The following KIF16B variants were observed in gnomAD, a reference collection of about 807,000 sequenced individuals.
KIF16B encodes the protein kinesin-like protein KIF16B.
A neutral mutation model predicts 156.3 loss-of-function variants in KIF16B; 98 were observed. That is an observed-to-expected ratio of 0.63 (90% CI 0.53 to 0.74). KIF16B has a LOEUF of 0.74. Ranked by LOEUF, KIF16B falls within the 30% of genes least tolerant of loss-of-function variation. The pLI, the probability that KIF16B is intolerant of heterozygous loss-of-function variation, is 0.00. For missense variants in KIF16B, 1,421 were observed against 1,606.5 expected, an observed-to-expected ratio of 0.88 and a Z score of 1.97; for synonymous variants, 564 against 583.7, an observed-to-expected ratio of 0.97 and a Z score of 0.49.
chr20:16,549,040 A>T (rs184453906), intron 1 of KIF16B, among the ~76,000 whole-genome samples: 5,733 of 142,436 alleles, frequency 0.04, 165 homozygotes, highest in African/African-American at 0.079. Flanking sequence ...TTTTTTCGTT[A>T]GTTTTTTTTT....
chr20:16,521,748 A>G (rs1463922156), intron 3 of KIF16B, among the ~76,000 whole-genome samples: 1 of 152,214 alleles, frequency 6.6e-6, no homozygotes, highest in Admixed American at 6.5e-5. Flanking sequence ...AATGAAGGAA[A>G]AAATGTTAAG....
intron 12 of KIF16B, among the ~76,000 whole-genome samples, chr20:16,491,280 G>A (rs1452039288): frequency 6.6e-6 from 1 of 152,152 alleles, no homozygotes; most frequent in Non-Finnish European, 1.5e-5. Flanking sequence ...AGGGGTGGTG[G>A]GCACAGAAAG....
intron 12 of KIF16B, among the ~76,000 whole-genome samples, chr20:16,475,638 C>T (rs189239479): frequency 0.012 from 1,885 of 152,210 alleles, 23 homozygotes; most frequent in Non-Finnish European, 0.018. Context: ...AATAATTGTA[C>T]AAGGAATTGT....
At chr20:16,483,119 T>C (rs2068025220) in intron 12 of KIF16B, among the ~76,000 whole-genome samples, 1 of 152,212 alleles carries the variant, frequency 6.6e-6, no homozygotes, top group Admixed American at 6.5e-5. Context: ...ATTTGGGTAA[T>C]GCGTTAGGGA....
intron 25 of KIF16B, among the ~76,000 whole-genome samples, chr20:16,307,470 T>C (rs2063557728): frequency 1.3e-5 from 2 of 152,180 alleles, no homozygotes; most frequent in African/African-American, 2.4e-5. Context: ...ACTTCAAGTA[T>C]TGAAGAGCAC....
At chr20:16,297,747 C>T (rs1318794768) in intron 25 of KIF16B, among the ~76,000 whole-genome samples, 1 of 151,258 alleles carries the variant, frequency 6.6e-6, no homozygotes, top group Non-Finnish European at 1.5e-5. Context: ...GGTGTCCATA[C>T]CAATTTCATC....
At chr20:16,347,647 C>T (rs2064258502) in intron 23 of KIF16B, among the ~76,000 whole-genome samples, 1 of 152,148 alleles carries the variant, frequency 6.6e-6, no homozygotes, top group Non-Finnish European at 1.5e-5. Flanking sequence ...TTTTAAAAAT[C>T]CTAGGATAAA....
At position 16,512,886 on chromosome 20, in the gene KIF16B, A is replaced by C. The variant is rs778333167; in HGVS notation, c.386T>G (p.Leu129Arg). The change falls in exon 5 of 26, where the codon CTC (leucine) becomes CGC (arginine). Residue 129 changes from leucine to arginine, a missense_variant. Coordinates refer to ENST00000354981, the MANE Select transcript of KIF16B (RefSeq NM_024704.5). ...SGLIPRICEG[L>R]FSRINETTRW... ...GGTGGTTTCATTTATCCGACTGAAGAGTCCTTCACAGATCCGAGGTATTAA... is the reference window on the plus strand; with the variant it reads ...GGTGGTTTCATTTATCCGACTGAAGCGTCCTTCACAGATCCGAGGTATTAA... 1.9e-6 allele frequency: 3 copies of C among 1,613,740 alleles called. No individual in the cohort carries two copies. In the African/African-American group the frequency reaches 4.0e-5, roughly 22 times the overall value.
chr20:16,360,349 T>C (rs1192998765), intron 22 of KIF16B, among the ~76,000 whole-genome samples: 1 of 152,198 alleles, frequency 6.6e-6, no homozygotes, highest in Non-Finnish European at 1.5e-5. Context: ...ATGTTTGCTG[T>C]ATCCCATTAT....
intron 1 of KIF16B, among the ~76,000 whole-genome samples, chr20:16,564,870 C>G (rs760019877): frequency 6.6e-6 from 1 of 151,950 alleles, no homozygotes; most frequent in Admixed American, 6.6e-5. Context: ...GACTTGAGCC[C>G]GACCACCTGA....
intron 3 of KIF16B, 119 bp downstream of exon 3, chr20:16,525,973 T>G (rs1196068666): frequency 3.5e-6 from 2 of 571,500 alleles, no homozygotes; most frequent in Non-Finnish European, 5.9e-6. Context: ...AAAGGCTAAT[T>G]TTATACAAAA....
At chr20:16,350,365 G>A (rs925941304) in intron 23 of KIF16B, among the ~76,000 whole-genome samples, 1 of 152,150 alleles carries the variant, frequency 6.6e-6, no homozygotes, top group Admixed American at 6.5e-5. Flanking sequence ...CAAGGGGCTG[G>A]AGGGTGCCCG....
intron 7 of KIF16B, among the ~76,000 whole-genome samples, chr20:16,507,737 T>G (rs2068829378): frequency 1.3e-5 from 2 of 152,182 alleles, no homozygotes; most frequent in South Asian, 4.1e-4. Context: ...CTTCTAAGTA[T>G]TTCTTAAGGG....
At chr20:16,417,441 C>G (rs1448095262) in intron 15 of KIF16B, among the ~76,000 whole-genome samples, 1 of 152,096 alleles carries the variant, frequency 6.6e-6, no homozygotes, top group Non-Finnish European at 1.5e-5. Flanking sequence ...GGTAAACTGT[C>G]TGCTGAAACA....
chr20:16,510,765 T>A (rs953454331), intron 6 of KIF16B, among the ~76,000 whole-genome samples: 3 of 151,942 alleles, frequency 2.0e-5, no homozygotes, highest in African/African-American at 7.3e-5. Context: ...CTGTCCTGCA[T>A]CCACAAAGAC....
intron 19 of KIF16B, among the ~76,000 whole-genome samples, chr20:16,378,315 G>A (rs1412382595): frequency 2.0e-5 from 3 of 151,582 alleles, no homozygotes; most frequent in Non-Finnish European, 4.4e-5. Flanking sequence ...GGGCAAGGAG[G>A]GAAGGAAGAA....
chr20:16,389,008 C>T (rs1202529113), intron 17 of KIF16B, among the ~76,000 whole-genome samples: 3 of 152,142 alleles, frequency 2.0e-5, no homozygotes, highest in Non-Finnish European at 4.4e-5. Flanking sequence ...CAGCCCACAA[C>T]ATGCACGGAA....
chr20:16,451,361 G>C (rs148450160), intron 12 of KIF16B, among the ~76,000 whole-genome samples: 144 of 152,118 alleles, frequency 9.5e-4, no homozygotes, highest in African/African-American at 3.2e-3. Flanking sequence ...TAGCCACTTG[G>C]AAAGTTTACG....
intron 25 of KIF16B, among the ~76,000 whole-genome samples, chr20:16,300,878 CTTG>C (rs1182375755): frequency 4.6e-5 from 7 of 152,206 alleles, no homozygotes; most frequent in East Asian, 1.9e-4. Flanking sequence ...AGGGTTCACT[CTTG>C]TTGTACTTTC....
Sources: allele counts gnomAD v4.1 joint callset (sites outside exome capture counted in the v4.1 genomes callset), GRCh38; gene constraint gnomAD v4.1.1; transcripts MANE v1.5; gene names NCBI Gene and HGNC (gene_info 2026-07-23, HGNC 2026-07-21).